EXTL3: variants seen among roughly 807,000 people sequenced by gnomAD.
The protein encoded by EXTL3 is exostosin like glycosyltransferase 3, also known as exostosin-like 3.
A neutral mutation model predicts 69.3 loss-of-function variants in EXTL3; 27 were observed. The observed-to-expected ratio is 0.39, with a 90% CI of 0.29 to 0.54. The LOEUF (loss-of-function observed/expected upper bound fraction) is 0.54, where lower values mean the gene tolerates loss of function less well. Ranked by LOEUF, EXTL3 falls within the 20% of genes least tolerant of loss-of-function variation. EXTL3 has a pLI of 0.69. For synonymous variants in EXTL3, 511 were observed against 499.4 expected (o/e 1.02, Z -0.31); for missense variants, 1,003 against 1,231.8 (o/e 0.81, Z 2.78).
At chr8:28,643,517 C>T (rs564187198) in intron 1 of EXTL3, among the ~76,000 whole-genome samples, 14 of 151,936 alleles carry the variant, frequency 9.2e-5, no homozygotes, top group African/African-American at 3.1e-4. Context: ...CGGGTTTACG[C>T]CATTCTCCTG....
chr8:28,668,865 C>CTCTTAT (rs1193812924), intron 1 of EXTL3, among the ~76,000 whole-genome samples: 2 of 94,468 alleles, frequency 2.1e-5, no homozygotes, highest in African/African-American at 9.2e-5. Context: ...GATAGAATCT[C>CTCTTAT]TTTTTTTTTT....
At chr8:28,659,255 T>C (rs1168110821) in intron 1 of EXTL3, among the ~76,000 whole-genome samples, 4 of 151,420 alleles carry the variant, frequency 2.6e-5, no homozygotes, top group Non-Finnish European at 5.9e-5. Context: ...TTTTTTTTTT[T>C]CCATTTGGAT....
chr8:28,714,624 AAAAG>A (rs1801102477), intron 2 of EXTL3, among the ~76,000 whole-genome samples: 1 of 152,194 alleles, frequency 6.6e-6, no homozygotes, highest in Admixed American at 6.5e-5. Context: ...AAGAATTAAA[AAAAG>A]AAACCGGGAA....
intron 3 of EXTL3, among the ~76,000 whole-genome samples, chr8:28,724,952 C>T (rs146829364): frequency 2.0e-5 from 3 of 152,264 alleles, no homozygotes; most frequent in Non-Finnish European, 4.4e-5. Context: ...TGTGCCTCTT[C>T]CTGGATCTCA....
In EXTL3 at chr8:28,668,865, C is replaced by CTTTTTTTTTTTTTT. The variant is rs999113088; in HGVS notation, c.-52-44589_-52-44576dup. Among the ~76,000 whole-genome samples, 39 of 94,464 alleles carry CTTTTTTTTTTTTTT rather than the reference C, an allele frequency of 4.1e-4. 2 individuals carry two copies. Among genetic ancestry groups the CTTTTTTTTTTTTTT allele is most frequent in the Middle Eastern group, 0.011 (1 of 94 alleles). The allele number at this position is 94,464 out of a possible 152,430, so 62.0% of individuals were successfully genotyped here. A position where few individuals can be genotyped will look rare whatever the true frequency, so the allele number is the denominator to read the frequency against. ...ACCCCTGCCTCCTTTGATAGAATCTCTTTTTTTTTTTTTTTTGAGACAGAG... is the reference window on the plus strand; with the variant it reads ...ACCCCTGCCTCCTTTGATAGAATCTCTTTTTTTTTTTTTTTTTTTTTTTTTTTTTTGAGACAGAG... On this transcript the variant is annotated intron_variant, in intron 1 of 6. Transcript: ENST00000523149.
At chr8:28,691,572 A>ATTGTTTTTTTTTTTTTTTTTTTTTTT (rs1800612661) in intron 1 of EXTL3, among the ~76,000 whole-genome samples, 1 of 135,494 alleles carries the variant, frequency 7.4e-6, no homozygotes, top group Admixed American at 7.1e-5. Flanking sequence ...AGTTTTTGTG[A>ATTGTTTTTTTTTTTTTTTTTTTTTTT]TTTTTTTTTT....
chr8:28,643,667 C>CT (rs1159197817), intron 1 of EXTL3, among the ~76,000 whole-genome samples: 2 of 152,138 alleles, frequency 1.3e-5, no homozygotes, highest in Non-Finnish European at 2.9e-5. Flanking sequence ...ATCCACCAGC[C>CT]TCAGCCTCCC....
intron 1 of EXTL3, among the ~76,000 whole-genome samples, chr8:28,711,312 T>A (rs1801026333): frequency 6.6e-6 from 1 of 152,230 alleles, no homozygotes; most frequent in Non-Finnish European, 1.5e-5. Flanking sequence ...CTGTTTTCGA[T>A]TTCGTTGATT....
At chr8:28,702,408 A>T (rs1800828234) in intron 1 of EXTL3, among the ~76,000 whole-genome samples, 1 of 152,154 alleles carries the variant, frequency 6.6e-6, no homozygotes, top group African/African-American at 2.4e-5. Flanking sequence ...GACAGCACCT[A>T]TTCCGAGCCC....
At chr8:28,668,865 C>CTTTTTTTTTTT (rs999113088) in intron 1 of EXTL3, among the ~76,000 whole-genome samples, 5,594 of 94,044 alleles carry the variant, frequency 0.059, 764 homozygotes, top group African/African-American at 0.071. Context: ...GATAGAATCT[C>CTTTTTTTTTTT]TTTTTTTTTT....
chr8:28,629,357 G>C (rs572569236), intron 1 of EXTL3, among the ~76,000 whole-genome samples: 15 of 152,268 alleles, frequency 9.9e-5, no homozygotes, highest in African/African-American at 3.1e-4. Context: ...TTTGGTGTTT[G>C]GTTGCTGGCT....
intron 1 of EXTL3, among the ~76,000 whole-genome samples, chr8:28,653,078 A>G (rs1483607505): frequency 6.6e-6 from 1 of 152,176 alleles, no homozygotes; most frequent in Non-Finnish European, 1.5e-5. Flanking sequence ...TTGGTATGCA[A>G]GTTTTGATGA....
intron 5 of EXTL3, among the ~76,000 whole-genome samples, chr8:28,738,951 C>G (rs971640108): frequency 6.6e-6 from 1 of 152,312 alleles, no homozygotes; most frequent in East Asian, 1.9e-4. Context: ...CCACTGTCCT[C>G]ACGGAAGACC....
At chr8:28,734,993 C>T (rs1049208856) in intron 4 of EXTL3, among the ~76,000 whole-genome samples, 1 of 152,202 alleles carries the variant, frequency 6.6e-6, no homozygotes, top group African/African-American at 2.4e-5. Context: ...TATTCTCCCC[C>T]ACCCAGCCTC....
chr8:28,753,036 G>A lies in EXTL3; in HGVS notation c.*2170G>A, dbSNP rs1802042549. 1 of 152,402 alleles carries A rather than the reference G, an allele frequency of 6.6e-6. No homozygotes were observed. Among genetic ancestry groups the A allele is most frequent in the South Asian group, 2.1e-4 (1 of 4,826 alleles). The allele number at this position is 152,402 out of a possible 1,614,324, so 9.4% of individuals were successfully genotyped here. A position where few individuals can be genotyped will look rare whatever the true frequency, so the allele number is the denominator to read the frequency against. On this transcript the variant is annotated 3_prime_UTR_variant, in exon 7 of 7. Transcript: ENST00000220562. ...CGAATGTCACTGGTGGATCTAAGAA[G>A]GGCTGAGTGGTCTGACACCAAAACA...
At chr8:28,718,331 G>C in intron 3 of EXTL3, 124 bp downstream of exon 3, 4 of 957,218 alleles carry the variant, frequency 4.2e-6, no homozygotes, top group Non-Finnish European at 6.5e-6. Context: ...GCATACTCAT[G>C]AAAAACCTGT....
Position 28,649,380 on chromosome 8 carries a change from T to C in EXTL3, c.-53+26570T>C, listed in dbSNP as rs553822215. ...ACAGCTTTTGCTTCTCCTCTGTCTC[T>C]ACCATGCTTACTACTGTTGGCTGAC... On this transcript the variant is annotated intron_variant, in intron 1 of 6. Coordinates refer to the EXTL3 transcript ENST00000523149. Among the ~76,000 whole-genome samples, 47 of 152,360 alleles carry C rather than the reference T, an allele frequency of 3.1e-4. 1 individual carries two copies. Among genetic ancestry groups the C allele is most frequent in the African/African-American group, 1.1e-3 (47 of 41,592 alleles).
chr8:28,669,567 G>A (rs181409974), intron 1 of EXTL3, among the ~76,000 whole-genome samples: 50 of 152,302 alleles, frequency 3.3e-4, no homozygotes, highest in African/African-American at 1.2e-3. Flanking sequence ...AACTAAGGGG[G>A]AAATGGAGGG....
At chr8:28,681,445 G>A (rs1225266563) in intron 1 of EXTL3, among the ~76,000 whole-genome samples, 1 of 151,964 alleles carries the variant, frequency 6.6e-6, no homozygotes, top group African/African-American at 2.4e-5. Context: ...TTGAACCCTG[G>A]AGGCAGAGGT....
Sources: gnomAD v4.1 joint callset for allele counts (sites outside exome capture counted in the v4.1 genomes callset) on GRCh38, gnomAD v4.1.1 for gene constraint, MANE v1.5 for transcripts, NCBI Gene and HGNC (gene_info 2026-07-23, HGNC 2026-07-21) for gene names.